NFATC2: variants seen among roughly 807,000 people sequenced by gnomAD.
The protein encoded by NFATC2 is nuclear factor of activated T-cells, cytoplasmic 2.
A neutral mutation model predicts 87.3 loss-of-function variants in NFATC2; 22 were observed. That is an observed-to-expected ratio of 0.25 (90% CI 0.18 to 0.36). The LOEUF (loss-of-function observed/expected upper bound fraction) is 0.36, where lower values mean the gene tolerates loss of function less well. NFATC2 is among the 10% of genes least tolerant of loss of function. NFATC2 has a pLI of 1.00. For missense variants in NFATC2, 1,149 were observed against 1,259.1 expected, an observed-to-expected ratio of 0.91 and a Z score of 1.32; for synonymous variants, 565 against 542.2, an observed-to-expected ratio of 1.04 and a Z score of -0.58.
chr20:51,506,002 C>A (rs2076172843), intron 3 of NFATC2, among the ~76,000 whole-genome samples: 1 of 152,170 alleles, frequency 6.6e-6, no homozygotes, highest in Admixed American at 6.5e-5. Context: ...TGTTTTGGCA[C>A]CTCACCAATT....
chr20:51,540,819 C>T (rs1285875672), intron 1 of NFATC2, among the ~76,000 whole-genome samples: 1 of 151,908 alleles, frequency 6.6e-6, no homozygotes, highest in Non-Finnish European at 1.5e-5. Context: ...CCCACCCCAC[C>T]CGACAAGGAA....
chr20:51,421,806 G>A (rs934135976), intron 9 of NFATC2, among the ~76,000 whole-genome samples: 3 of 152,160 alleles, frequency 2.0e-5, no homozygotes, highest in Non-Finnish European at 4.4e-5. Flanking sequence ...ATCTGCGGGC[G>A]AAATGCAGCC....
intron 10 of NFATC2, among the ~76,000 whole-genome samples, chr20:51,395,015 C>A (rs747520466): frequency 4.1e-4 from 62 of 152,230 alleles, no homozygotes; most frequent in South Asian, 1.4e-3. Context: ...AAAGACCCTG[C>A]ACCATCAGTC....
chr20:51,474,855 C>G (rs1053092841), intron 4 of NFATC2, among the ~76,000 whole-genome samples: 1 of 151,950 alleles, frequency 6.6e-6, no homozygotes, highest in African/African-American at 2.4e-5. Flanking sequence ...CTCTCTAGGT[C>G]AAATTAATTT....
rs1555822717 is a variant in NFATC2, at chr20:51,561,335, A to AAAAAAG, written c.70+1224_70+1225insCTTTTT. Among the ~76,000 whole-genome samples, 29 of 127,470 alleles carry AAAAAAG rather than the reference A, an allele frequency of 2.3e-4. 1 individual carries two copies. The highest frequency in any genetic ancestry group is 3.8e-4 in the Non-Finnish European group (24 of 62,504). The allele number at this position is 127,470 out of a possible 152,430, so 83.6% of individuals were successfully genotyped here. ...GGCTTCAATCTAGTTAAAAAAAAAAAAAAGAAAGAAAGAGAGAGAAAGAAA... is the reference window on the plus strand; with the variant it reads ...GGCTTCAATCTAGTTAAAAAAAAAAAAAAAAGAAAGAAAGAAAGAGAGAGAAAGAAA... On this transcript the variant is annotated intron_variant, in intron 1 of 10. Transcript: ENST00000414705.
Position 51,562,461 on chromosome 20 carries a change from C to T in NFATC2, c.70+99G>A, listed in dbSNP as rs967420584. The stretch of plus-strand genomic sequence containing the variant: ...GGGGTCCCCAGGCCTCCCGCACCGA[C>T]CTCTGCCGGGAGCTGAAAGTGCTGC... On this transcript the variant is annotated intron_variant, in intron 1 of 10. Coordinates refer to the NFATC2 transcript ENST00000414705. The surrounding 1 kb of genome is among the most constrained non-coding windows in gnomAD (Gnocchi z 5.8). 1.2e-5 allele frequency: 14 copies of T among 1,138,690 alleles called. No individual in the cohort carries two copies. The highest frequency in any genetic ancestry group is 1.8e-5 in the Non-Finnish European group (14 of 790,094). The allele number at this position is 1,138,690 out of a possible 1,614,324, so 70.5% of individuals were successfully genotyped here.
At position 51,432,732 on chromosome 20, in the gene NFATC2, G is replaced by A. The variant is rs906480327; in HGVS notation, c.2057C>T (p.Thr686Met). The A allele has an allele frequency of 8.2e-6, 13 of 1,583,144 alleles. No homozygotes were observed. Among genetic ancestry groups the A allele is most frequent in the East Asian group, 4.5e-5 (2 of 44,632 alleles). ...HPVPAIKTEP[T>M]DEYDPTLICS... ...GATCAGAGTGGGGTCATATTCATCC[G>A]TGGGCTCCGTCTTGATGGCTGGGAC... Residue 686 changes from threonine to methionine, a missense_variant, in exon 9 of 11, where the codon ACG becomes ATG. Thr to Met is a moderately conservative substitution (Grantham distance 81, BLOSUM62 -1). Around this residue, in one of 3 missense-constraint regions of NFATC2, gnomAD observed 581 missense variants for 649.7 expected, o/e 0.89. Coordinates refer to ENST00000371564, the MANE Select transcript of NFATC2 (RefSeq NM_012340.5). The surrounding 1 kb of genome is among the most constrained non-coding windows in gnomAD (Gnocchi z 4.6).
intron 1 of NFATC2, among the ~76,000 whole-genome samples, chr20:51,541,518 C>T (rs1470854872): frequency 6.6e-6 from 1 of 152,144 alleles, no homozygotes; most frequent in Non-Finnish European, 1.5e-5. Context: ...GGGCCCAGCC[C>T]GGGGAAGTCC....
At chr20:51,535,997 G>A (rs2076713597) in intron 1 of NFATC2, among the ~76,000 whole-genome samples, 1 of 152,152 alleles carries the variant, frequency 6.6e-6, no homozygotes, top group African/African-American at 2.4e-5. Context: ...TCCACAGAGG[G>A]AAAAAGCATT....
At chr20:51,546,454 C>T (rs1019009022), upstream of NFATC2, among the ~76,000 whole-genome samples, 3 of 152,260 alleles carry the variant, frequency 2.0e-5, no homozygotes, top group Middle Eastern at 0.01. Flanking sequence ...CTTTATGCAT[C>T]GAGAGTGACT....
At chr20:51,457,796 C>T (rs1266057458) in intron 5 of NFATC2, among the ~76,000 whole-genome samples, 1 of 151,960 alleles carries the variant, frequency 6.6e-6, no homozygotes, top group East Asian at 1.9e-4. Context: ...GATTCTTGCG[C>T]ACTATCAAGT....
intron 3 of NFATC2, among the ~76,000 whole-genome samples, chr20:51,476,297 C>G (rs751435536): frequency 3.6e-5 from 5 of 140,338 alleles, no homozygotes; most frequent in Non-Finnish European, 7.5e-5. Context: ...ACTGTCACTT[C>G]TTATATGACT....
intron 9 of NFATC2, among the ~76,000 whole-genome samples, chr20:51,403,808 G>T (rs1356005002): frequency 6.6e-6 from 1 of 152,166 alleles, no homozygotes; most frequent in Non-Finnish European, 1.5e-5. Context: ...TGGATTGCTA[G>T]CCTCTAGAAT....
At chr20:51,499,738 T>C (rs947624860) in intron 3 of NFATC2, among the ~76,000 whole-genome samples, 1 of 147,898 alleles carries the variant, frequency 6.8e-6, no homozygotes, top group African/African-American at 2.5e-5. Context: ...CAAGACTCCA[T>C]CTTAAAAAAA....
chr20:51,450,919 C>G (rs79741420), intron 6 of NFATC2, among the ~76,000 whole-genome samples: 3,638 of 152,276 alleles, frequency 0.024, 137 homozygotes, highest in African/African-American at 0.082. Context: ...AGAATAAATG[C>G]CATTCACTCA....
intron 9 of NFATC2, among the ~76,000 whole-genome samples, chr20:51,411,021 G>A (rs1172903396): frequency 3.3e-5 from 5 of 152,124 alleles, no homozygotes; most frequent in Non-Finnish European, 7.4e-5. Flanking sequence ...TGGCAGTGGT[G>A]GTATTTGGTA....
intron 6 of NFATC2, among the ~76,000 whole-genome samples, chr20:51,442,603 T>C (rs529951229): frequency 9.2e-5 from 14 of 152,208 alleles, no homozygotes; most frequent in Non-Finnish European, 1.8e-4. Context: ...TGGGCCTGAA[T>C]GCGTGAGGTG....
rs747543127 is a variant in NFATC2, at chr20:51,524,009, G to A, written c.232C>T (p.Leu78Phe). The A allele has an allele frequency of 6.4e-7, 1 of 1,564,694 alleles. No individual in the cohort carries two copies. Among genetic ancestry groups the A allele is most frequent in the Non-Finnish European group, 8.6e-7 (1 of 1,160,722 alleles). ...AATCGGCCGGGGGGCTCGCCAGAGAGACTAGCAAGGGGGCTGTATGGCTTG... is the reference window on the plus strand; with the variant it reads ...AATCGGCCGGGGGGCTCGCCAGAGAAACTAGCAAGGGGGCTGTATGGCTTG... ...GLKPYSPLAS[L>F]SGEPPGRFGE... is the part of the protein sequence containing the mutation. Residue 78 changes from leucine to phenylalanine, a missense_variant, in exon 2 of 11, where the codon CTC (leucine) becomes TTC (phenylalanine). Transcript: ENST00000371564. This position sits in a 1 kb window ranked among gnomAD's most constrained non-coding sequence, Gnocchi z 4.0.
chr20:51,416,205 C>T (rs530007340), intron 9 of NFATC2, among the ~76,000 whole-genome samples: 1 of 151,746 alleles, frequency 6.6e-6, no homozygotes, highest in African/African-American at 2.4e-5. Flanking sequence ...GAGGTTGCAG[C>T]GAACCGAGAT....
Sources: gnomAD v4.1 joint callset for allele counts (sites outside exome capture counted in the v4.1 genomes callset) on GRCh38, gnomAD v4.1.1 for gene constraint, gnomAD v4.1.1 regional missense constraint, Gnocchi (gnomAD v3.1) non-coding constraint, MANE v1.5 for transcripts, NCBI Gene and HGNC (gene_info 2026-07-23, HGNC 2026-07-21) for gene names.